The following EXTL3 variants were observed in gnomAD, a reference collection of about 807,000 sequenced individuals.
The protein encoded by EXTL3 is exostosin-like 3.
Under a neutral mutation model 69.3 loss-of-function variants are expected in EXTL3, and 27 were observed. The ratio of observed to expected loss-of-function variants is 0.39; its 90% CI spans 0.29 to 0.54. The LOEUF (loss-of-function observed/expected upper bound fraction) is 0.54, where lower values mean the gene tolerates loss of function less well. EXTL3 is among the 20% of genes least tolerant of loss of function. The pLI, the probability that EXTL3 is intolerant of heterozygous loss-of-function variation, is 0.69. For synonymous variants in EXTL3, 511 were observed against 499.4 expected (o/e 1.02, Z -0.31); for missense variants, 1,003 against 1,231.8 (o/e 0.81, Z 2.78).
At chr8:28,656,206 G>A (rs55731052) in intron 1 of EXTL3, among the ~76,000 whole-genome samples, 6 of 151,418 alleles carry the variant, frequency 4.0e-5, no homozygotes, top group African/African-American at 4.9e-5. Flanking sequence ...TTTCTCTCCC[G>A]TCATCCAGTC....
intron 6 of EXTL3, among the ~76,000 whole-genome samples, chr8:28,747,541 A>C (rs1406831020): frequency 6.6e-6 from 1 of 152,188 alleles, no homozygotes; most frequent in Non-Finnish European, 1.5e-5. Flanking sequence ...CTTAATTTAT[A>C]ATGGAAATTT....
At chr8:28,658,183 G>T (rs1209014377) in intron 1 of EXTL3, among the ~76,000 whole-genome samples, 1 of 147,482 alleles carries the variant, frequency 6.8e-6, no homozygotes, top group Non-Finnish European at 1.5e-5. Flanking sequence ...GAGGGCATAT[G>T]CTTGACACCG....
At chr8:28,723,059 C>G (rs1021675769) in intron 3 of EXTL3, among the ~76,000 whole-genome samples, 5 of 152,168 alleles carry the variant, frequency 3.3e-5, no homozygotes, top group African/African-American at 4.8e-5. Context: ...GGCTAGACCT[C>G]AGGCAAGAGA....
intron 3 of EXTL3, among the ~76,000 whole-genome samples, chr8:28,724,887 C>T (rs904353270): frequency 1.2e-4 from 18 of 152,124 alleles, no homozygotes; most frequent in Admixed American, 2.6e-4. Flanking sequence ...ACCTCCCTCC[C>T]CACTCACTTC....
chr8:28,695,313 G>A (rs1352364699), intron 1 of EXTL3, among the ~76,000 whole-genome samples: 1 of 151,980 alleles, frequency 6.6e-6, no homozygotes, highest in Non-Finnish European at 1.5e-5. Flanking sequence ...ATTTTTAGTA[G>A]AGATGGGGTT....
intron 1 of EXTL3, among the ~76,000 whole-genome samples, chr8:28,656,205 C>T (rs1807007834): frequency 2.0e-5 from 3 of 151,896 alleles, no homozygotes; most frequent in Non-Finnish European, 2.9e-5. Flanking sequence ...ATTTCTCTCC[C>T]GTCATCCAGT....
At chr8:28,634,730 G>T (rs893723077) in intron 1 of EXTL3, among the ~76,000 whole-genome samples, 1 of 152,028 alleles carries the variant, frequency 6.6e-6, no homozygotes, top group Non-Finnish European at 1.5e-5. Flanking sequence ...GAGTAGCTGG[G>T]ATTACAGGCG....
chr8:28,722,887 G>T (rs748330206), intron 3 of EXTL3, among the ~76,000 whole-genome samples: 5 of 151,562 alleles, frequency 3.3e-5, no homozygotes, highest in Non-Finnish European at 5.9e-5. Flanking sequence ...CTTTTTTTGG[G>T]TAATATAAAT....
At chr8:28,742,611 G>GT in intron 5 of EXTL3, 2 of 205,232 alleles carry the variant, frequency 9.7e-6, no homozygotes, top group South Asian at 8.5e-5. Context: ...AGCCAGGGCC[G>GT]ATGGCGAGTA....
chr8:28,659,560 C>T (rs1158115635), intron 1 of EXTL3, among the ~76,000 whole-genome samples: 1 of 152,100 alleles, frequency 6.6e-6, no homozygotes, highest in Non-Finnish European at 1.5e-5. Flanking sequence ...AGCCCTTGAC[C>T]GGGGCCTACA....
intron 3 of EXTL3, among the ~76,000 whole-genome samples, chr8:28,726,351 G>A (rs1376315559): frequency 2.6e-5 from 4 of 152,200 alleles, no homozygotes; most frequent in Admixed American, 2.6e-4. Context: ...ATTAAGCACT[G>A]CAGCTTTGAA....
At chr8:28,715,394 T>C (rs1801121326) in intron 2 of EXTL3, among the ~76,000 whole-genome samples, 191 bp from the exon 3 acceptor site, 1 of 152,210 alleles carries the variant, frequency 6.6e-6, no homozygotes, top group South Asian at 2.1e-4. Context: ...TATCCATTTA[T>C]TACCCCAAGT....
intron 1 of EXTL3, among the ~76,000 whole-genome samples, chr8:28,628,745 C>T (rs1806530826): frequency 6.6e-6 from 1 of 152,052 alleles, no homozygotes; most frequent in African/African-American, 2.4e-5. Context: ...CCTCTGCCTC[C>T]CAGATTCAAG....
chr8:28,644,926 TG>T, intron 1 of EXTL3, among the ~76,000 whole-genome samples: 1 of 152,332 alleles, frequency 6.6e-6, no homozygotes, highest in African/African-American at 2.4e-5. Flanking sequence ...CCTGATGCAA[TG>T]TTCTGTATAC....
At chr8:28,721,248 T>G (rs142763098) in intron 3 of EXTL3, among the ~76,000 whole-genome samples, 1 of 152,216 alleles carries the variant, frequency 6.6e-6, no homozygotes, top group Non-Finnish European at 1.5e-5. Context: ...TTGAGTTCTT[T>G]TATATGTAGC....
intron 1 of EXTL3, among the ~76,000 whole-genome samples, chr8:28,638,405 A>T (rs1422435262): frequency 1.3e-5 from 2 of 152,172 alleles, no homozygotes; most frequent in Admixed American, 1.3e-4. Flanking sequence ...GATCTGTGAT[A>T]TCTGGCCCAG....
At chr8:28,643,670 A>G (rs1184030706) in intron 1 of EXTL3, among the ~76,000 whole-genome samples, 2 of 151,950 alleles carry the variant, frequency 1.3e-5, no homozygotes, top group African/African-American at 2.4e-5. Context: ...CACCAGCCTC[A>G]GCCTCCCAAA....
intron 1 of EXTL3, among the ~76,000 whole-genome samples, chr8:28,665,108 A>G (rs1288650881): frequency 1.7e-5 from 2 of 115,036 alleles, no homozygotes; most frequent in South Asian, 2.6e-4. Flanking sequence ...ATCTCACTCT[A>G]TCGCCCAGAC....
At chr8:28,624,988 G>GT (rs1806469748) in intron 1 of EXTL3, among the ~76,000 whole-genome samples, 1 of 152,192 alleles carries the variant, frequency 6.6e-6, no homozygotes, top group Admixed American at 6.5e-5. Flanking sequence ...ATGACCCACT[G>GT]TTTTTTACAA....
Sources: gnomAD v4.1 joint callset for allele counts (sites outside exome capture counted in the v4.1 genomes callset) on GRCh38, gnomAD v4.1.1 for gene constraint, MANE v1.5 for transcripts, NCBI Gene and HGNC (gene_info 2026-07-23, HGNC 2026-07-21) for gene names.